Variants in TMEM132B observed in about 807,000 individuals in gnomAD.
TMEM132B encodes transmembrane protein 132B.
Under a neutral mutation model 90.8 loss-of-function variants are expected in TMEM132B, and 18 were observed. The observed-to-expected ratio is 0.20, with a 90% CI of 0.14 to 0.29. The LOEUF is 0.29. Ranked by LOEUF, TMEM132B falls within the 10% of genes least tolerant of loss-of-function variation. The pLI, the probability that TMEM132B is intolerant of heterozygous loss-of-function variation, is 1.00. For missense variants in TMEM132B, 1,096 were observed against 1,326.8 expected (o/e 0.83, Z 2.70); for synonymous variants, 504 against 523.3 (o/e 0.96, Z 0.50).
intron 2 of TMEM132B, among the ~76,000 whole-genome samples, chr12:125,365,743 T>C (rs1878112989): frequency 6.6e-6 from 1 of 152,086 alleles, no homozygotes; most frequent in Non-Finnish European, 1.5e-5. Context: ...ATTTAAAAAT[T>C]ATATTATAGT....
chr12:125,424,929 T>A (rs1169861974), intron 3 of TMEM132B, among the ~76,000 whole-genome samples: 1 of 152,134 alleles, frequency 6.6e-6, no homozygotes, highest in East Asian at 1.9e-4. Context: ...TTGCTAAGCC[T>A]ACTTAGGATT....
chr12:125,240,955 G>A (rs2136092308), intron 1 of TMEM132B, among the ~76,000 whole-genome samples: 1 of 152,356 alleles, frequency 6.6e-6, no homozygotes, highest in South Asian at 2.1e-4. Flanking sequence ...GGGTGGGCGT[G>A]AAAGTCTCCA....
chr12:125,614,329 A>G (rs529593037), intron 5 of TMEM132B, among the ~76,000 whole-genome samples: 48 of 152,084 alleles, frequency 3.2e-4, no homozygotes, highest in Admixed American at 5.2e-4. Context: ...CGTGTGCTCA[A>G]TGTTTAGTTG....
At chr12:125,388,796 T>C (rs1313892318) in intron 2 of TMEM132B, among the ~76,000 whole-genome samples, 1 of 152,226 alleles carries the variant, frequency 6.6e-6, no homozygotes, top group Non-Finnish European at 1.5e-5. Flanking sequence ...CCAGCAGCTA[T>C]TGCACACATG....
At chr12:125,439,278 T>C (rs1210320598) in intron 3 of TMEM132B, among the ~76,000 whole-genome samples, 1 of 152,258 alleles carries the variant, frequency 6.6e-6, no homozygotes, top group Non-Finnish European at 1.5e-5. Context: ...ATTTTAATGA[T>C]GGTAATTATT....
intron 3 of TMEM132B, among the ~76,000 whole-genome samples, chr12:125,465,005 A>G (rs1881527875): frequency 6.6e-6 from 1 of 152,160 alleles, no homozygotes; most frequent in Admixed American, 6.5e-5. Flanking sequence ...TGATTTTCCA[A>G]TTTGCTAATG....
intron 3 of TMEM132B, among the ~76,000 whole-genome samples, chr12:125,505,195 A>AAAAAAAAAAAG (rs1183847146): frequency 6.8e-6 from 1 of 147,898 alleles, no homozygotes; most frequent in African/African-American, 2.5e-5. Flanking sequence ...AAAAAAAAAA[A>AAAAAAAAAAAG]CAGTAAGTGG....
At chr12:125,238,375 A>C (rs1178371582) in intron 1 of TMEM132B, among the ~76,000 whole-genome samples, 3 of 146,978 alleles carry the variant, frequency 2.0e-5, no homozygotes, top group East Asian at 1.9e-4. Flanking sequence ...CCAAAAAAAA[A>C]ACAAAAAAAA....
intron 3 of TMEM132B, among the ~76,000 whole-genome samples, chr12:125,464,302 C>T (rs1419536739): frequency 6.6e-6 from 1 of 152,176 alleles, no homozygotes; most frequent in Admixed American, 6.5e-5. Context: ...CTGACTCGGT[C>T]TAGAATGCCA....
intron 1 of TMEM132B, among the ~76,000 whole-genome samples, chr12:125,218,790 T>A (rs1023265187): frequency 1.5e-4 from 22 of 150,130 alleles, no homozygotes; most frequent in African/African-American, 5.4e-4. Context: ...TTTTTTTTTT[T>A]ATTGGAATTA....
intron 4 of TMEM132B, among the ~76,000 whole-genome samples, chr12:125,522,771 G>A (rs1456461187): frequency 6.6e-6 from 1 of 152,254 alleles, no homozygotes; most frequent in Non-Finnish European, 1.5e-5. Context: ...GAGCTGCAGA[G>A]AGAGGGCCTC....
chr12:125,525,470 T>C (rs1282231555), intron 4 of TMEM132B, among the ~76,000 whole-genome samples: 1 of 152,182 alleles, frequency 6.6e-6, no homozygotes, highest in Non-Finnish European at 1.5e-5. Flanking sequence ...TGCGAGGACA[T>C]GGTGTTTCGT....
intron 1 of TMEM132B, among the ~76,000 whole-genome samples, chr12:125,273,406 G>A (rs955181708): frequency 6.6e-6 from 1 of 152,092 alleles, no homozygotes. Context: ...GGGCAACACA[G>A]TGAAACCTCA....
At chr12:125,280,602 C>T (rs895027615) in intron 1 of TMEM132B, among the ~76,000 whole-genome samples, 6 of 152,222 alleles carry the variant, frequency 3.9e-5, no homozygotes, top group Non-Finnish European at 7.3e-5. Context: ...TCTTCACTTG[C>T]TGTGGGATGT....
chr12:125,238,860 T>C (rs1874000869), intron 1 of TMEM132B, among the ~76,000 whole-genome samples: 1 of 152,196 alleles, frequency 6.6e-6, no homozygotes, highest in South Asian at 2.1e-4. Flanking sequence ...ATGGTAGGCC[T>C]GAAGGAGATG....
At position 125,255,034 on chromosome 12, in the gene TMEM132B, A is replaced by T. The variant is rs953086399; in HGVS notation, c.67+68168A>T. On this transcript the variant is annotated intron_variant, in intron 1 of 8. Coordinates refer to ENST00000682704, the MANE Select transcript of TMEM132B (RefSeq NM_001366854.1). Reference sequence around the variant, plus strand: ...GGACTGTGACGAGGAGGTTGACAGGAAGCTCTCCTCCTCTTTGATTTGATG... The same window carrying T: ...GGACTGTGACGAGGAGGTTGACAGGTAGCTCTCCTCCTCTTTGATTTGATG... 7.9e-5 allele frequency among the ~76,000 whole-genome samples: 12 copies of T among 152,250 alleles called. No homozygotes were observed. The East Asian group carries it at 1.4e-3, about 17-fold the overall frequency.
At chr12:125,473,946 TC>T (rs1231303047) in intron 3 of TMEM132B, among the ~76,000 whole-genome samples, 1 of 152,076 alleles carries the variant, frequency 6.6e-6, no homozygotes, top group Non-Finnish European at 1.5e-5. Flanking sequence ...AGTTTCCTTA[TC>T]CTGATAGTAG....
chr12:125,560,513 G>A (rs897724227), intron 4 of TMEM132B, among the ~76,000 whole-genome samples: 1 of 152,152 alleles, frequency 6.6e-6, no homozygotes, highest in African/African-American at 2.4e-5. Flanking sequence ...ACACCAGTTA[G>A]AATAGTGATC....
intron 3 of TMEM132B, among the ~76,000 whole-genome samples, chr12:125,467,779 T>C (rs575727894): frequency 6.6e-6 from 1 of 152,338 alleles, no homozygotes; most frequent in South Asian, 2.1e-4. Flanking sequence ...TTTCTCATAT[T>C]CTCATAACCT....
Sources: allele counts gnomAD v4.1 joint callset (sites outside exome capture counted in the v4.1 genomes callset), GRCh38; gene constraint gnomAD v4.1.1; transcripts MANE v1.5; gene names NCBI Gene and HGNC (gene_info 2026-07-23, HGNC 2026-07-21).